Variants in ZNF638 observed in about 807,000 individuals in gnomAD.
ZNF638 encodes zinc finger protein 638.
Under a neutral mutation model 195.6 loss-of-function variants are expected in ZNF638, and 46 were observed. That is an observed-to-expected ratio of 0.24 (90% confidence interval 0.19 to 0.30). The LOEUF (loss-of-function observed/expected upper bound fraction) is 0.30. Ranked by LOEUF, ZNF638 falls within the 10% of genes least tolerant of loss-of-function variation. The pLI is 1.00. For missense variants in ZNF638, 2,440 were observed against 2,325.3 expected (o/e 1.05, Z -1.01); for synonymous variants, 845 against 772.0 (o/e 1.09, Z -1.57).
rs537828616 is a variant in ZNF638 at position 71,368,403 on chromosome 2, C to A, written c.2017C>A (p.His673Asn). 1 of 1,612,254 alleles carries A rather than the reference C, an allele frequency of 6.2e-7. No homozygotes were observed. The highest frequency in any genetic ancestry group is 1.7e-5 in the Admixed American group (1 of 59,566). ...QRKLRKEQSL[H>N]YGSVLLITEL... ...ATAGCTTCGGAAAGAACAGTCATTG[C>A]ATTATGGTTCGGTTCTTCTTATAAC... is the stretch of plus-strand genomic sequence containing the variant. Residue 673 changes from histidine (H) to asparagine (N), a missense_variant, in exon 7 of 28, where the codon CAT (histidine) becomes AAT (asparagine). His to Asn is a moderately conservative substitution (Grantham distance 68). This residue lies in a region of ZNF638 where 1,883 missense variants were observed against 1,739.1 expected (regional missense o/e 1.08). Coordinates refer to ENST00000264447, the MANE Select transcript of ZNF638 (RefSeq NM_014497.5).
intron 1 of ZNF638, among the ~76,000 whole-genome samples, chr2:71,332,259 G>A (rs2078584617): frequency 6.6e-6 from 1 of 152,268 alleles, no homozygotes; most frequent in African/African-American, 2.4e-5. Flanking sequence ...GCTGCGCTGG[G>A]CCTGACAGCC....
intron 25 of ZNF638, among the ~76,000 whole-genome samples, chr2:71,429,549 C>G (rs1162852095): frequency 6.6e-6 from 1 of 152,112 alleles, no homozygotes; most frequent in Non-Finnish European, 1.5e-5. Flanking sequence ...TAAAATTTGG[C>G]CAAGTTTTTC....
chr2:71,412,748 G>T (rs1275997013), intron 20 of ZNF638, among the ~76,000 whole-genome samples: 4 of 71,644 alleles, frequency 5.6e-5, no homozygotes, highest in African/African-American at 1.8e-4. Context: ...TTTCCCCATT[G>T]CTTGTTTTTC....
At chr2:71,379,404 T>C (rs1172712227) in intron 8 of ZNF638, 1 of 152,232 alleles carries the variant, frequency 6.6e-6, no homozygotes, top group Non-Finnish European at 1.5e-5. Context: ...CTGTGAGTCA[T>C]TGCTTTGTCT....
chr2:71,380,465 AACTTAGAATT>A, intron 9 of ZNF638, 38 bp from the exon 10 acceptor site: 1 of 1,502,232 alleles, frequency 6.7e-7, no homozygotes, highest in Non-Finnish European at 9.0e-7. Flanking sequence ...GATTTTGTAG[AACTTAGAATT>A]CCTAAGTTGC....
chr2:71,381,730 C>T (rs1292881470), intron 10 of ZNF638, among the ~76,000 whole-genome samples: 1 of 151,926 alleles, frequency 6.6e-6, no homozygotes, highest in Non-Finnish European at 1.5e-5. Flanking sequence ...AAAAATAATT[C>T]ACAGAACACA....
intron 3 of ZNF638, among the ~76,000 whole-genome samples, chr2:71,356,652 T>G (rs1451647389): frequency 6.6e-6 from 1 of 152,072 alleles, no homozygotes; most frequent in African/African-American, 2.4e-5. Flanking sequence ...CAGCCAGGCA[T>G]GGTAGTACAC....
At chr2:71,354,724 T>C (rs992622046) in intron 2 of ZNF638, among the ~76,000 whole-genome samples, 1 of 124,922 alleles carries the variant, frequency 8.0e-6, no homozygotes, top group African/African-American at 3.1e-5. Context: ...GCAGCAAGAG[T>C]GAAACTGTCT....
In ZNF638 at chr2:71,349,920, A is replaced by G. The variant is rs2078913135; in HGVS notation, c.966A>G (p.Thr322=). The change falls in exon 2 of 28, where the codon ACA becomes ACG. Residue 322 remains threonine, a synonymous_variant. Transcript: ENST00000264447. Reference sequence around the variant, plus strand: ...CCATTAACCAAACAGTTAGCCAGACAATGAGTCAATCTCTGATTCCTCCAT... The same window carrying G: ...CCATTAACCAAACAGTTAGCCAGACGATGAGTCAATCTCTGATTCCTCCAT... The part of the protein sequence containing the change: ...NQSINQTVSQ[T]MSQSLIPPSM... 2 of 1,614,112 alleles carry G rather than the reference A, an allele frequency of 1.2e-6. No individual in the cohort carries two copies. Among genetic ancestry groups the G allele is most frequent in the African/African-American group, 2.7e-5 (2 of 74,934 alleles).
chr2:71,410,451 T>C (rs1250168461), intron 20 of ZNF638, among the ~76,000 whole-genome samples: 1 of 152,098 alleles, frequency 6.6e-6, no homozygotes, highest in Non-Finnish European at 1.5e-5. Context: ...CCTGAAGTGC[T>C]CCTCCACCCT....
chr2:71,398,550 G>T, intron 11 of ZNF638, 151 bp from the exon 12 acceptor site: 1 of 668,014 alleles, frequency 1.5e-6, no homozygotes, highest in Non-Finnish European at 2.6e-6. Context: ...GCTAGATTTA[G>T]AAAATGGCCT....
rs752119544 is a variant in ZNF638, at chr2:71,403,882, A to G, written c.2842A>G (p.Ile948Val). The G allele has an allele frequency of 7.6e-6, 12 of 1,574,860 alleles. No individual in the cohort carries two copies. Among genetic ancestry groups the G allele is most frequent in the Non-Finnish European group, 9.5e-6 (11 of 1,154,952 alleles). The change falls in exon 17 of 28, where the codon ATA becomes GTA. Residue 948 changes from isoleucine (I) to valine (V), a missense_variant. Ile to Val is a conservative substitution (Grantham distance 29). This residue lies in a region of ZNF638 where 1,883 missense variants were observed against 1,739.1 expected (regional missense o/e 1.08). Transcript: ENST00000264447. ...LSSHKKAYIE[I>V]NRKAAESMVK... is the part of the protein sequence containing the mutation. ...TCTGTTTTAAAAGGCATATATAGAA[A>G]TAAATAGAAAAGCTGCTGAGTCTAT... is the stretch of plus-strand genomic sequence containing the variant.
chr2:71,388,735 G>A (rs779712724), intron 10 of ZNF638: 6 of 1,157,458 alleles, frequency 5.2e-6, no homozygotes, highest in East Asian at 2.4e-5. Flanking sequence ...TAAGTCATTG[G>A]TGCCCACTCG....
At chr2:71,392,700 A>G (rs2079807122) in intron 10 of ZNF638, among the ~76,000 whole-genome samples, 1 of 152,072 alleles carries the variant, frequency 6.6e-6, no homozygotes, top group South Asian at 2.1e-4. Context: ...TTTTCCACCA[A>G]AATTAGAGAA....
At chr2:71,352,284 C>T (rs1052467394) in intron 2 of ZNF638, among the ~76,000 whole-genome samples, 3 of 151,864 alleles carry the variant, frequency 2.0e-5, no homozygotes, top group African/African-American at 7.3e-5. Context: ...TCAAGACCAC[C>T]CTTACTGACA....
At chr2:71,348,325 A>G in intron 1 of ZNF638, 2 of 847,072 alleles carry the variant, frequency 2.4e-6, no homozygotes, top group Non-Finnish European at 2.8e-6. Flanking sequence ...TGGGTCTTTT[A>G]GGCTTACAGT....
In ZNF638 at chr2:71,350,251, G is replaced by A. The variant is rs772711440; in HGVS notation, c.1297G>A (p.Val433Ile). 1.1e-5 allele frequency: 18 copies of A among 1,600,800 alleles called. No homozygotes were observed. Among genetic ancestry groups the A allele is most frequent in the South Asian group, 5.5e-5 (5 of 91,068 alleles). The change falls in exon 2 of 28, where the codon GTA (valine) becomes ATA (isoleucine). Residue 433 changes from valine (V) to isoleucine (I), a missense_variant. Around this residue, in one of 5 missense-constraint regions of ZNF638, gnomAD observed 37 missense variants for 75.7 expected, o/e 0.49. Transcript: ENST00000264447. ...IFPHLCSLCNVECSHLKDWIQ... is the reference protein window; with the variant it reads ...IFPHLCSLCNIECSHLKDWIQ... ...TCCACATTTGTGTTCTCTGTGTAAC[G>A]TAGAATGTAGTCATTTGAAGGTGAG...
chr2:71,424,769 T>C, intron 23 of ZNF638, 54 bp downstream of exon 23: 1 of 1,399,844 alleles, frequency 7.1e-7, no homozygotes, highest in South Asian at 1.2e-5. Flanking sequence ...ATAGCACAGT[T>C]CATCTATCTT....
Position 71,423,594 on chromosome 2 carries a change from G to A in ZNF638, c.4080G>A (p.Lys1360=), listed in dbSNP as rs1310809389. The change falls in exon 22 of 28, where the codon AAG becomes AAA. Residue 1360 remains lysine, a synonymous_variant. Transcript: ENST00000264447. ...KEKPAENTLF[K]AYPNKGVGQA... ...AGCCTGCAGAAAACACTTTATTCAA[G>A]GCATACCCAAATAAAGGAGTGGGTC... The A allele has an allele frequency of 1.2e-6, 2 of 1,613,998 alleles. No individual in the cohort carries two copies. The highest frequency in any genetic ancestry group is 1.7e-6 in the Non-Finnish European group (2 of 1,179,996).
Sources: gnomAD v4.1 joint callset for allele counts (sites outside exome capture counted in the v4.1 genomes callset) on GRCh38, gnomAD v4.1.1 for gene constraint, gnomAD v4.1.1 regional missense constraint, MANE v1.5 for transcripts, NCBI Gene and HGNC (gene_info 2026-07-23, HGNC 2026-07-21) for gene names.